MED13L: variants seen among roughly 807,000 people sequenced by gnomAD.
MED13L encodes mediator complex subunit 13L.
Under a neutral mutation model 220.9 loss-of-function variants are expected in MED13L, and 7 were observed. The observed-to-expected ratio is 0.03, with a 90% CI of 0.02 to 0.06. The LOEUF is 0.06. Ranked by LOEUF, MED13L falls within the 10% of genes least tolerant of loss-of-function variation. The pLI, the probability that MED13L is intolerant of heterozygous loss-of-function variation, is 1.00. For missense variants in MED13L, 1,965 were observed against 2,760.5 expected (o/e 0.71, Z 6.46); for synonymous variants, 1,011 against 1,015.2 (o/e 1.00, Z 0.08).
intron 2 of MED13L, among the ~76,000 whole-genome samples, chr12:116,168,694 G>T (rs1879463768): frequency 6.6e-6 from 1 of 152,178 alleles, no homozygotes; most frequent in African/African-American, 2.4e-5. Context: ...CAGGTCCCCA[G>T]AGTGGGATCA....
intron 2 of MED13L, among the ~76,000 whole-genome samples, chr12:116,219,076 G>A (rs773043260): frequency 3.5e-4 from 54 of 152,260 alleles, no homozygotes; most frequent in Non-Finnish European, 6.2e-4. Flanking sequence ...AAGTGTCAAC[G>A]TAAAATAGCC....
intron 15 of MED13L, 76 bp from the exon 16 acceptor site, chr12:115,996,757 T>TA (rs1284236371): frequency 1.5e-6 from 2 of 1,324,742 alleles, no homozygotes; most frequent in African/African-American, 1.4e-5. Flanking sequence ...AGTGCTATCA[T>TA]AAAAACAGCA....
chr12:116,233,491 C>A (rs1869776841), intron 2 of MED13L, among the ~76,000 whole-genome samples: 1 of 152,128 alleles, frequency 6.6e-6, no homozygotes, highest in South Asian at 2.1e-4. Context: ...GTTCTGTGTA[C>A]TCCATACTAT....
intron 2 of MED13L, among the ~76,000 whole-genome samples, chr12:116,140,323 T>C (rs549178642): frequency 1.7e-4 from 26 of 152,354 alleles, no homozygotes; most frequent in African/African-American, 6.3e-4. Context: ...TTCAAGGTTA[T>C]ATCCTCAGTT....
intron 2 of MED13L, among the ~76,000 whole-genome samples, chr12:116,173,586 C>T (rs1290363641): frequency 6.6e-6 from 1 of 152,136 alleles, no homozygotes; most frequent in Non-Finnish European, 1.5e-5. Context: ...TGTCTCCTTT[C>T]CTTGCAACAG....
At position 116,007,989 on chromosome 12, in the gene MED13L, T is replaced by A. The variant is rs566384965; in HGVS notation, c.2013-353A>T. 9.0e-6 allele frequency: 3 copies of A among 331,772 alleles called. No homozygotes were observed. The South Asian group carries it at 1.3e-4, about 14-fold the overall frequency. 20.6% of individuals were successfully genotyped at this position (331,772 alleles called of 1,614,324 possible). On this transcript the variant is annotated intron_variant, in intron 10 of 30. Coordinates refer to ENST00000281928, the MANE Select transcript of MED13L (RefSeq NM_015335.5). ...CATCTATGTAAAGTTTTAGAATGGG[T>A]GGCTCAAAAGAGCTATAAATATTAT...
At chr12:116,147,782 T>C (rs922332842) in intron 2 of MED13L, among the ~76,000 whole-genome samples, 1 of 152,096 alleles carries the variant, frequency 6.6e-6, no homozygotes, top group Non-Finnish European at 1.5e-5. Flanking sequence ...ACAGTGAACA[T>C]GTGCTAATTT....
At chr12:116,184,650 T>G (rs1321006290) in intron 2 of MED13L, among the ~76,000 whole-genome samples, 1 of 152,216 alleles carries the variant, frequency 6.6e-6, no homozygotes, top group Non-Finnish European at 1.5e-5. Flanking sequence ...GATCTCTAAG[T>G]TGCAGGTTTG....
At chr12:116,221,639 A>T (rs919866065) in intron 2 of MED13L, among the ~76,000 whole-genome samples, 5 of 152,134 alleles carry the variant, frequency 3.3e-5, no homozygotes, top group Admixed American at 6.5e-5. Context: ...CACAAATAAA[A>T]ATTATTCTAT....
intron 26 of MED13L, among the ~76,000 whole-genome samples, chr12:115,971,818 C>T (rs1876605107): frequency 6.6e-6 from 1 of 152,190 alleles, no homozygotes; most frequent in African/African-American, 2.4e-5. Context: ...GGTCAGGTAA[C>T]AGTCATTAGC....
At chr12:115,985,246 ACAC>A (rs1877607002) in intron 19 of MED13L, among the ~76,000 whole-genome samples, 1 of 152,238 alleles carries the variant, frequency 6.6e-6, no homozygotes, top group Non-Finnish European at 1.5e-5. Context: ...AAAACTGCTT[ACAC>A]AAATTTTCTG....
intron 3 of MED13L, among the ~76,000 whole-genome samples, chr12:116,109,770 C>G (rs1355031870): frequency 1.3e-5 from 2 of 152,100 alleles, no homozygotes; most frequent in East Asian, 1.9e-4. Flanking sequence ...TAAGAGTACT[C>G]AACTCTTAAA....
rs60517165 is a variant in MED13L, at chr12:116,207,156, CT to C, written c.310+30311del. Among the ~76,000 whole-genome samples, 1,086 of 144,568 alleles carry C rather than the reference CT, an allele frequency of 7.5e-3. 6 individuals are homozygous for C. The highest frequency in any genetic ancestry group is 0.011 in the African/African-American group (442 of 39,616). The allele number at this position is 144,568 out of a possible 152,430, so 94.8% of individuals were successfully genotyped here. A position where few individuals can be genotyped will look rare whatever the true frequency, so the allele number is the denominator to read the frequency against. On this transcript the variant is annotated intron_variant, in intron 2 of 30. Transcript: ENST00000281928. Reference sequence around the variant, plus strand: ...TAATAAAACTGAATTTTTACTGCACCTTTTTTTTTTTTGGTAAGATTTTTTA... The same window carrying C: ...TAATAAAACTGAATTTTTACTGCACCTTTTTTTTTTTGGTAAGATTTTTTA...
intron 2 of MED13L, among the ~76,000 whole-genome samples, chr12:116,124,148 G>GAC (rs1555213749): frequency 1.1e-5 from 1 of 93,778 alleles, no homozygotes; most frequent in African/African-American, 3.2e-5. Context: ...GAGAGAGAGA[G>GAC]AGACAGAGAC....
chr12:116,254,719 T>A (rs1871884207), intron 1 of MED13L, among the ~76,000 whole-genome samples: 1 of 151,696 alleles, frequency 6.6e-6, no homozygotes, highest in Admixed American at 6.6e-5. Context: ...ATCGCACCAT[T>A]GCACCCAGCC....
At chr12:116,262,924 T>C (rs1872606103) in intron 1 of MED13L, among the ~76,000 whole-genome samples, 1 of 152,174 alleles carries the variant, frequency 6.6e-6, no homozygotes, top group Non-Finnish European at 1.5e-5. Flanking sequence ...ATGTAGTCTA[T>C]TTGGGATCAT....
rs200570239 is a variant in MED13L at position 115,991,974 on chromosome 12, C to T, written c.2997-17G>A. 83 of 1,592,464 alleles carry T rather than the reference C, an allele frequency of 5.2e-5. 1 individual carries two copies. In the East Asian group the frequency reaches 1.3e-3, roughly 25 times the overall value. On this transcript the variant is annotated splice_polypyrimidine_tract_variant and intron_variant, in intron 16 of 30. Transcript: ENST00000281928. The surrounding 1 kb of genome is among the most constrained non-coding windows in gnomAD (Gnocchi z 7.7). ...GGCACGTTACTACAAAAAGAGAAGG[C>T]ACCAAGTGAGGAAGGGCAGCATGTC...
At position 116,277,527 on chromosome 12, in the gene MED13L, G is replaced by A. The variant is rs1445530716; in HGVS notation, c.-396C>T. Among the ~76,000 whole-genome samples the A allele has an allele frequency of 6.7e-6, 1 of 149,068 alleles. No individual in the cohort carries two copies. Among genetic ancestry groups the A allele is most frequent in the African/African-American group, 2.4e-5 (1 of 41,042 alleles). ...CCGCCGCCGCCGCCTCGGAGCCGCC[G>A]CCGCCGCGGAGCGCGAACTCGCGAA... On this transcript the variant is annotated 5_prime_UTR_variant, in exon 1 of 31. Transcript: ENST00000281928.
chr12:116,262,854 T>C (rs1872601961), intron 1 of MED13L, among the ~76,000 whole-genome samples: 1 of 152,200 alleles, frequency 6.6e-6, no homozygotes, highest in Admixed American at 6.5e-5. Flanking sequence ...TATCACCAAA[T>C]AGCAACAAAA....
Sources: gnomAD v4.1 joint callset for allele counts (sites outside exome capture counted in the v4.1 genomes callset) on GRCh38, gnomAD v4.1.1 for gene constraint, Gnocchi (gnomAD v3.1) non-coding constraint, MANE v1.5 for transcripts, NCBI Gene and HGNC (gene_info 2026-07-23, HGNC 2026-07-21) for gene names.